The following TAF9B variants were observed in gnomAD, a reference collection of about 807,000 sequenced individuals.
The protein encoded by TAF9B is transcription initiation factor TFIID subunit 9B.
TAF9B carries 47 observed loss-of-function variants against 17.6 expected under a neutral mutation model. The observed-to-expected ratio is 2.68, with a 90% CI of 2.12 to 3.41. TAF9B has a LOEUF of 3.41. Among genes scored for constraint, TAF9B ranks in the 30% most tolerant of loss-of-function variants. The pLI, the probability that TAF9B is intolerant of heterozygous loss-of-function variation, is 0.00. For missense variants in TAF9B, 218 were observed against 189.3 expected (o/e 1.15, Z -0.89); for synonymous variants, 84 against 68.7 (o/e 1.22, Z -1.10).
At chrX:78,133,872 G>C (rs1191082399) in intron 5 of TAF9B, among the ~76,000 whole-genome samples, 2 of 111,586 alleles carry the variant, frequency 1.8e-5, no homozygotes, top group Admixed American at 1.9e-4. Context: ...AAGCACTGAG[G>C]TATAGCTGGA....
Position 78,139,565 on chromosome X carries a change from G to GCATCTCTCGGAGCGTTCTTGGGAGGCGC in TAF9B, c.19_46dup (p.Ala16GlyfsTer26). ...CGGCTTATCCTTCGCACTTACCAAG[G>GCATCTCTCGGAGCGTTCTTGGGAGGCGC]CATCTCTCGGAGCGTTCTTGGGAGG... On this transcript the variant is annotated frameshift_variant, in exon 1 of 7. Coordinates refer to ENST00000341864, the MANE Select transcript of TAF9B (RefSeq NM_015975.5). LOFTEE classifies it high-confidence loss of function. 8.3e-7 allele frequency: 1 copy of GCATCTCTCGGAGCGTTCTTGGGAGGCGC among 1,211,875 alleles called. No homozygotes were observed. The highest frequency in any genetic ancestry group is 1.1e-6 in the Non-Finnish European group (1 of 895,433).
At chrX:78,139,276 G>A (rs2078446664) in intron 1 of TAF9B, among the ~76,000 whole-genome samples, 1 of 111,078 alleles carries the variant, frequency 9.0e-6, no homozygotes, top group African/African-American at 3.3e-5. Context: ...AGGGCTGGCA[G>A]ATAGCTAGAG....
intron 5 of TAF9B, among the ~76,000 whole-genome samples, chrX:78,136,595 G>C (rs782528078): frequency 9.8e-5 from 11 of 112,107 alleles, no homozygotes; most frequent in African/African-American, 3.6e-4. Flanking sequence ...ACTGCCATAA[G>C]TGTGTGTGGC....
At chrX:78,133,577 A>G (rs2078423102) in intron 5 of TAF9B, 129 bp from the exon 6 acceptor site, 2 of 501,468 alleles carry the variant, frequency 4.0e-6, no homozygotes, top group East Asian at 3.5e-5. Flanking sequence ...GTCATTAGAA[A>G]TAAGAGCAAA....
At chrX:78,132,626 G>C (rs1348335395) in intron 6 of TAF9B, among the ~76,000 whole-genome samples, 6 of 109,897 alleles carry the variant, frequency 5.5e-5, no homozygotes, top group Non-Finnish European at 1.1e-4. Flanking sequence ...GTGTGTGTGT[G>C]TGTGTGTGTG....
At chrX:78,139,453 G>A in intron 1 of TAF9B, 108 bp downstream of exon 1, 1 of 1,108,669 alleles carries the variant, frequency 9.0e-7, no homozygotes, top group Admixed American at 2.3e-5. Context: ...GCCCTGACTA[G>A]ACTGAAACGA....
chrX:78,136,857 A>C, intron 5 of TAF9B, 58 bp downstream of exon 5: 2 of 906,385 alleles, frequency 2.2e-6, no homozygotes, highest in Non-Finnish European at 1.6e-6. Context: ...ATAGTTCAAA[A>C]CCAAGTGCTG....
At chrX:78,135,422 A>G (rs1443553175) in intron 5 of TAF9B, among the ~76,000 whole-genome samples, 3 of 103,044 alleles carry the variant, frequency 2.9e-5, no homozygotes, top group Non-Finnish European at 5.9e-5. Context: ...ACTGAAAAAA[A>G]AAAAAAACAC....
chrX:78,137,918 T>A (rs782006069), intron 3 of TAF9B, 35 bp from the exon 4 acceptor site: 15 of 1,197,688 alleles, frequency 1.3e-5, no homozygotes, highest in Non-Finnish European at 1.7e-5. Context: ...ACTACAGTTT[T>A]AAAAATTGTA....
chrX:78,131,478 T>C lies in TAF9B; in HGVS notation c.*132A>G. ...TGTTTACTAAAGAGATCTAACAGTT[T>C]TAACTGACGAAAAATACTGCAGCTA... On this transcript the variant is annotated 3_prime_UTR_variant, in exon 7 of 7. Coordinates refer to ENST00000341864, the MANE Select transcript of TAF9B (RefSeq NM_015975.5). 2 of 544,405 alleles carry C rather than the reference T, an allele frequency of 3.7e-6. No homozygotes were observed. Among genetic ancestry groups the C allele is most frequent in the Admixed American group, 3.7e-5 (1 of 27,272 alleles). The allele number at this position is 544,405 out of a possible 1,213,427, so 44.9% of individuals were successfully genotyped here. A position where few individuals can be genotyped will look rare whatever the true frequency, so the allele number is the denominator to read the frequency against.
chrX:78,134,151 C>A (rs1275605237), intron 5 of TAF9B, among the ~76,000 whole-genome samples: 2 of 111,479 alleles, frequency 1.8e-5, no homozygotes, highest in East Asian at 5.6e-4. Flanking sequence ...CTAAATTCTA[C>A]CCATTATTCC....
chrX:78,138,973 C>G, intron 1 of TAF9B, 49 bp from the exon 2 acceptor site: 1 of 937,201 alleles, frequency 1.1e-6, no homozygotes, highest in Non-Finnish European at 1.5e-6. Flanking sequence ...TACTGGAAAT[C>G]AAGGCTGCAC....
In TAF9B at chrX:78,137,839, T is replaced by C. The variant is rs2149142104; in HGVS notation, c.315A>G (p.Pro105=). ...TAGGTCCTGCATATGGCTTAATCAG[T>C]GGCAAAGGGGTTTGATTTTTCTGCC... The part of the protein sequence containing the change: ...IARQKNQTPL[P]LIKPYAGPRL... Residue 105 remains proline, a synonymous_variant, in exon 4 of 7, where the codon CCA becomes CCG. Transcript: ENST00000341864. 9 of 1,210,190 alleles carry C rather than the reference T, an allele frequency of 7.4e-6. No homozygotes were observed. The highest frequency in any genetic ancestry group is 1.0e-5 in the Non-Finnish European group (9 of 895,139).
chrX:78,135,436 AAAAC>A (rs1177339316), intron 5 of TAF9B, among the ~76,000 whole-genome samples: 1 of 103,695 alleles, frequency 9.6e-6, no homozygotes, highest in East Asian at 3.1e-4. Flanking sequence ...AAAACACAAA[AAAAC>A]AAAAATTAGC....
rs781894472 is a variant in TAF9B, at chrX:78,137,820, C to T, written c.334G>A (p.Gly112Arg). The T allele has an allele frequency of 8.3e-7, 1 of 1,207,962 alleles. No individual in the cohort carries two copies. Among genetic ancestry groups the T allele is most frequent in the East Asian group, 3.0e-5 (1 of 33,779 alleles). Residue 112 changes from glycine (G) to arginine (R), a missense_variant, in exon 4 of 7, where the codon GGA becomes AGA. Coordinates refer to ENST00000341864, the MANE Select transcript of TAF9B (RefSeq NM_015975.5). Reference protein sequence around the residue: ...TPLPLIKPYAGPRLPPDRYCL... With the variant: ...TPLPLIKPYARPRLPPDRYCL... ...TATCTATCAGGTGGCAGTCTAGGTC[C>T]TGCATATGGCTTAATCAGTGGCAAA...
intron 5 of TAF9B, 66 bp downstream of exon 5, chrX:78,136,849 A>T: frequency 1.2e-6 from 1 of 801,113 alleles, no homozygotes. Flanking sequence ...CTTGCATTAT[A>T]GTTCAAAACC....
At chrX:78,132,974 C>A (rs2078420022) in intron 6 of TAF9B, among the ~76,000 whole-genome samples, 1 of 111,680 alleles carries the variant, frequency 9.0e-6, no homozygotes, top group Non-Finnish European at 1.9e-5. Flanking sequence ...AGAGATCACA[C>A]TCACATATAT....
intron 2 of TAF9B, among the ~76,000 whole-genome samples, chrX:78,138,515 T>C (rs782719754): frequency 8.9e-6 from 1 of 112,521 alleles, no homozygotes; most frequent in African/African-American, 3.2e-5. Flanking sequence ...TCCCAACACT[T>C]TGGGAGGCCG....
rs187818118 is a variant in TAF9B at position 78,136,448 on chromosome X, A to C, written c.481+467T>G. 8.1e-4 allele frequency among the ~76,000 whole-genome samples: 91 copies of C among 112,603 alleles called. No homozygotes were observed. The Middle Eastern group carries it at 0.014, about 17-fold the overall frequency. ...TCCCACTGACCAATCTAAAACAATCAGTACTATGTTTTAAAAAGGTTAGTA... is the reference window on the plus strand; with the variant it reads ...TCCCACTGACCAATCTAAAACAATCCGTACTATGTTTTAAAAAGGTTAGTA... On this transcript the variant is annotated intron_variant, in intron 5 of 6. Transcript: ENST00000341864.
Sources: gnomAD v4.1 joint callset for allele counts (sites outside exome capture counted in the v4.1 genomes callset) on GRCh38, gnomAD v4.1.1 for gene constraint, MANE v1.5 for transcripts, NCBI Gene and HGNC (gene_info 2026-07-23, HGNC 2026-07-21) for gene names.